Variants in CROCC observed in about 807,000 individuals in gnomAD.
CROCC encodes the protein rootletin.
A neutral mutation model predicts 245.2 loss-of-function variants in CROCC; 180 were observed. That is an observed-to-expected ratio of 0.73 (90% CI 0.65 to 0.83). CROCC has a LOEUF of 0.83. Ranked by LOEUF, CROCC falls within the 40% of genes least tolerant of loss-of-function variation. The probability of loss-of-function intolerance (pLI) is 0.00; values close to 1 mark genes in which losing one functional copy is unlikely to be tolerated. For synonymous variants in CROCC, 1,205 were observed against 1,241.6 expected (o/e 0.97, Z 0.62); for missense variants, 2,688 against 2,779.4 (o/e 0.97, Z 0.74).
intron 1 of CROCC, among the ~76,000 whole-genome samples, chr1:16,915,052 C>T (rs1182086641): frequency 1.3e-5 from 2 of 152,258 alleles, no homozygotes; most frequent in Non-Finnish European, 2.9e-5. Flanking sequence ...TCCCCACCCG[C>T]GCACATTTCC....
rs1284600709 is a variant in CROCC, at chr1:16,955,375, C to T, written c.3529C>T (p.Leu1177=). 5 of 1,606,628 alleles carry T rather than the reference C, an allele frequency of 3.1e-6. No homozygotes were observed. Among genetic ancestry groups the T allele is most frequent in the Admixed American group, 3.3e-5 (2 of 59,938 alleles). Residue 1177 remains leucine, a synonymous_variant, in exon 24 of 37, where the codon CTG becomes TTG. Transcript: ENST00000375541. ...TGCCCGTGACGGGCTGCGGCGGGAG[C>T]TGCTGGAGGCCCAGCGCAAGCTGCG... is the stretch of plus-strand genomic sequence containing the variant. The part of the protein sequence containing the change: ...EDARDGLRRE[L]LEAQRKLRES...
intron 15 of CROCC, among the ~76,000 whole-genome samples, chr1:16,945,957 T>G (rs1482971643): frequency 2.0e-5 from 3 of 152,278 alleles, no homozygotes; most frequent in Non-Finnish European, 4.4e-5. Context: ...GCCTGCGCTG[T>G]CCGCTGCAGC....
rs1428970534 is a variant in CROCC, at chr1:16,954,899, C to T, written c.3465+22C>T. On this transcript the variant is annotated intron_variant, in intron 23 of 36. Transcript: ENST00000375541. The surrounding 1 kb of genome is among the most constrained non-coding windows in gnomAD (Gnocchi z 4.4). Reference sequence around the variant, plus strand: ...CGAGGTGAGCAGCCGCCCCCCTCTTCCAAGCAGCATACCCTAAATGGCACT... The same window carrying T: ...CGAGGTGAGCAGCCGCCCCCCTCTTTCAAGCAGCATACCCTAAATGGCACT... The T allele has an allele frequency of 6.0e-6, 9 of 1,509,714 alleles. No individual in the cohort carries two copies. Among genetic ancestry groups the T allele is most frequent in the East Asian group, 2.5e-5 (1 of 40,296 alleles). 93.5% of individuals were successfully genotyped at this position (1,509,714 alleles called of 1,614,324 possible).
Position 16,961,119 on chromosome 1 carries a change from C to A in CROCC, c.4394C>A (p.Ala1465Glu). 7.4e-7 allele frequency: 1 copy of A among 1,352,056 alleles called. No homozygotes were observed. The highest frequency in any genetic ancestry group is 9.5e-7 in the Non-Finnish European group (1 of 1,057,326). The allele number at this position is 1,352,056 out of a possible 1,614,324, so 83.8% of individuals were successfully genotyped here. The change falls in exon 27 of 37, where the codon GCA (alanine) becomes GAA (glutamate). Residue 1465 changes from alanine (A) to glutamate (E), a missense_variant. Physicochemically the swap from Ala to Glu is moderately radical, Grantham distance 107. Around this residue, in one of 9 missense-constraint regions of CROCC, gnomAD observed 1,218 missense variants for 1,286.3 expected, o/e 0.95. Coordinates refer to ENST00000375541, the MANE Select transcript of CROCC (RefSeq NM_014675.5). ...GTGCCCGGTTCCCCTGCCCGGGACG[C>A]ACCCGCAGAAGGTAAGGGCAGTGCC... is the stretch of plus-strand genomic sequence containing the variant. ...RPVPGSPARDAPAEGSGEGLN... is the reference protein window; with the variant it reads ...RPVPGSPARDEPAEGSGEGLN...
rs777172008 is a variant in CROCC, at chr1:16,945,557, G to A, written c.2087G>A (p.Arg696Gln). 3.2e-5 allele frequency: 51 copies of A among 1,612,456 alleles called. No individual in the cohort carries two copies. The highest frequency in any genetic ancestry group is 2.0e-4 in the Middle Eastern group (1 of 4,908). ...GCGCTGAGCCGCGCCACACTGCAAC[G>A]GGACATGCTGCAGGCCGAGAAGGCC... The part of the protein sequence containing the change: ...REALSRATLQ[R>Q]DMLQAEKAEV... The change falls in exon 15 of 37, where the codon CGG (arginine) becomes CAG (glutamine). Residue 696 changes from arginine to glutamine, a missense_variant. By Grantham distance (43) the Arg-to-Gln change is conservative. Coordinates refer to ENST00000375541, the MANE Select transcript of CROCC (RefSeq NM_014675.5).
intron 8 of CROCC, among the ~76,000 whole-genome samples, chr1:16,933,458 C>G (rs1269358378): frequency 1.3e-5 from 2 of 152,234 alleles, no homozygotes; most frequent in Non-Finnish European, 2.9e-5. Flanking sequence ...CAGAGTGAAA[C>G]TCTGTCTCGA....
At chr1:16,924,268 G>C (rs2075478066) in intron 2 of CROCC, 57 bp from the exon 3 acceptor site, 9 of 1,586,840 alleles carry the variant, frequency 5.7e-6, no homozygotes, top group Non-Finnish European at 7.7e-6. Context: ...TCCCTGTTGG[G>C]GGGAGGATGT....
In CROCC at chr1:16,972,394, T is replaced by C. The variant is rs934831473; in HGVS notation, c.6002T>C (p.Leu2001Pro). The stretch of plus-strand genomic sequence containing the variant: ...CTGAAGGGCCAGCTGCAGCAGGAGC[T>C]TCGAAGGAGCTCAGCACCCTTCTCC... ...STLKGQLQQE[L>P]RRSSAPFSPP... Residue 2001 changes from leucine to proline, a missense_variant, in exon 37 of 37, where the codon CTT becomes CCT. Transcript: ENST00000375541. 9.3e-6 allele frequency: 15 copies of C among 1,613,888 alleles called. No individual in the cohort carries two copies. In the African/African-American group the frequency reaches 1.2e-4, roughly 13 times the overall value.
chr1:16,936,466 A>G (rs1391043344), intron 8 of CROCC, among the ~76,000 whole-genome samples, 171 bp from the exon 9 acceptor site: 1 of 152,260 alleles, frequency 6.6e-6, no homozygotes, highest in South Asian at 2.1e-4. Context: ...ATAGGGTTTC[A>G]CCATGTTGGC....
At chr1:16,970,910 C>A in intron 35 of CROCC, 143 bp downstream of exon 35, 1 of 1,009,934 alleles carries the variant, frequency 9.9e-7, no homozygotes, top group Non-Finnish European at 1.4e-6. Context: ...CCCAGCGGGC[C>A]ATGGAGGGAT....
chr1:16,947,746 G>A (rs1264153151), intron 17 of CROCC, among the ~76,000 whole-genome samples: 1 of 152,246 alleles, frequency 6.6e-6, no homozygotes, highest in Non-Finnish European at 1.5e-5. Flanking sequence ...TATATATTCA[G>A]CTTCTCTGCA....
chr1:16,920,281 G>A (rs1557568016), upstream of CROCC, among the ~76,000 whole-genome samples: 1 of 152,338 alleles, frequency 6.6e-6, no homozygotes, highest in Non-Finnish European at 1.5e-5. Flanking sequence ...GTTTCACCAT[G>A]TAGGCCAGGA....
upstream of CROCC, among the ~76,000 whole-genome samples, chr1:16,918,943 G>A (rs550910122): frequency 3.3e-5 from 5 of 151,268 alleles, no homozygotes; most frequent in African/African-American, 1.2e-4. Flanking sequence ...CACCACGTTG[G>A]CCAGGCTGGT....
At chr1:16,939,326 G>T (rs1304527082) in intron 12 of CROCC, among the ~76,000 whole-genome samples, 184 bp downstream of exon 12, 1 of 152,254 alleles carries the variant, frequency 6.6e-6, no homozygotes. Flanking sequence ...CCCCAAGGAG[G>T]TGGCCGAGAG....
Position 16,970,338 on chromosome 1 carries a change from G to T in CROCC, c.5537G>T (p.Arg1846Leu), listed in dbSNP as rs200774891. Residue 1846 changes from arginine to leucine, a missense_variant, in exon 34 of 37, where the codon CGC (arginine) becomes CTC (leucine). Arg to Leu is a moderately radical substitution (Grantham distance 102). Coordinates refer to ENST00000375541, the MANE Select transcript of CROCC (RefSeq NM_014675.5). ...GACGAGCGGCGGCTGCTGCAGGAGC[G>T]CCTGGGAAGCCTGCAGCGCGCCCTG... Reference protein sequence around the residue: ...LQDERRLLQERLGSLQRALAQ... With the variant: ...LQDERRLLQELLGSLQRALAQ... 3 of 1,588,576 alleles carry T rather than the reference G, an allele frequency of 1.9e-6. No homozygotes were observed. The highest frequency in any genetic ancestry group is 1.1e-5 in the South Asian group (1 of 87,642).
intron 32 of CROCC, 116 bp from the exon 33 acceptor site, chr1:16,969,669 C>T (rs1281727456): frequency 2.8e-6 from 4 of 1,429,172 alleles, no homozygotes; most frequent in South Asian, 2.7e-5. Context: ...GCACCCCACC[C>T]TCCAGGTGAG....
In CROCC at chr1:16,921,960, T is replaced by C; in HGVS notation, c.-59T>C. 1 of 1,474,458 alleles carries C rather than the reference T, an allele frequency of 6.8e-7. No individual in the cohort carries two copies. Among genetic ancestry groups the C allele is most frequent in the South Asian group, 1.2e-5 (1 of 82,096 alleles). The allele number at this position is 1,474,458 out of a possible 1,614,324, so 91.3% of individuals were successfully genotyped here. A position where few individuals can be genotyped will look rare whatever the true frequency, so the allele number is the denominator to read the frequency against. ...CATCCTGGCTGTGGCGCGTGCTGACTGAGCTAGTCTTGGGGTCCTGGAGAA... is the reference window on the plus strand; with the variant it reads ...CATCCTGGCTGTGGCGCGTGCTGACCGAGCTAGTCTTGGGGTCCTGGAGAA... On this transcript the variant is annotated 5_prime_UTR_variant, in exon 1 of 37. Transcript: ENST00000375541.
chr1:16,918,946 A>G (rs1291824321), upstream of CROCC, among the ~76,000 whole-genome samples: 1 of 151,170 alleles, frequency 6.6e-6, no homozygotes, highest in Non-Finnish European at 1.5e-5. Flanking sequence ...CACGTTGGCC[A>G]GGCTGGTCTA....
upstream of CROCC, among the ~76,000 whole-genome samples, chr1:16,921,778 C>A (rs2075410170): frequency 6.6e-6 from 1 of 152,260 alleles, no homozygotes; most frequent in African/African-American, 2.4e-5. Flanking sequence ...CCCCTCTCTT[C>A]ATCCTTCCTC....
Sources: allele counts gnomAD v4.1 joint callset (sites outside exome capture counted in the v4.1 genomes callset), GRCh38; gene constraint gnomAD v4.1.1; regional missense constraint gnomAD v4.1.1; non-coding constraint Gnocchi (gnomAD v3.1); transcripts MANE v1.5; gene names NCBI Gene and HGNC (gene_info 2026-07-23, HGNC 2026-07-21).